The following STX17 variants were observed in gnomAD, a reference collection of about 807,000 sequenced individuals.
STX17 encodes the protein syntaxin 17, also known as syntaxin-17.
In STX17, 29 loss-of-function variants were observed where a neutral mutation model predicts 35.9. The ratio of observed to expected loss-of-function variants is 0.81; its 90% confidence interval spans 0.60 to 1.10. STX17 has a LOEUF of 1.10. Among genes scored for constraint, STX17 ranks in the 50% least tolerant of loss-of-function variants. The pLI is 0.00. For synonymous variants in STX17, 92 were observed against 118.3 expected (o/e 0.78, Z 1.44); for missense variants, 312 against 352.3 (o/e 0.89, Z 0.92).
Position 99,942,302 on chromosome 9 carries a change from T to C in STX17, c.190-8758T>C, listed in dbSNP as rs552286183. 5.9e-5 allele frequency among the ~76,000 whole-genome samples: 9 copies of C among 152,310 alleles called. No homozygotes were observed. The South Asian group carries it at 1.7e-3, about 28-fold the overall frequency. On this transcript the variant is annotated intron_variant, in intron 3 of 7. Coordinates refer to ENST00000259400, the MANE Select transcript of STX17 (RefSeq NM_017919.3). ...TGTGGGTTGTTTGTATTTTTTTATA[T>C]TGATTTGTAAGACTTCTTCATATGT...
intron 2 of STX17, among the ~76,000 whole-genome samples, chr9:99,928,190 CT>C (rs1341126194): frequency 6.6e-6 from 1 of 151,876 alleles, no homozygotes; most frequent in Non-Finnish European, 1.5e-5. Context: ...CCTATGGTTC[CT>C]ATCAAATGAA....
intron 3 of STX17, among the ~76,000 whole-genome samples, chr9:99,935,165 C>A (rs1257832823): frequency 1.3e-5 from 2 of 151,686 alleles, no homozygotes; most frequent in Non-Finnish European, 1.5e-5. Context: ...CCCGTCTCTA[C>A]TAAAAATACA....
At chr9:99,922,380 T>C (rs1161119537) in intron 2 of STX17, among the ~76,000 whole-genome samples, 1 of 152,194 alleles carries the variant, frequency 6.6e-6, no homozygotes, top group Non-Finnish European at 1.5e-5. Context: ...GCAAGGACTT[T>C]GACATTTTCC....
At chr9:99,917,769 C>T (rs563896646) in intron 2 of STX17, among the ~76,000 whole-genome samples, 40 of 152,170 alleles carry the variant, frequency 2.6e-4, no homozygotes, top group African/African-American at 6.3e-4. Flanking sequence ...TTCTTTGTTT[C>T]GTATTGTAGG....
chr9:99,923,868 A>T (rs939367426), intron 2 of STX17, among the ~76,000 whole-genome samples: 2 of 152,160 alleles, frequency 1.3e-5, no homozygotes, highest in Non-Finnish European at 2.9e-5. Flanking sequence ...AGCTGAAGAG[A>T]TGCATAAGGT....
chr9:99,924,906 T>G (rs1030451984), intron 2 of STX17, among the ~76,000 whole-genome samples: 1 of 152,094 alleles, frequency 6.6e-6, no homozygotes, highest in Non-Finnish European at 1.5e-5. Context: ...AAATGTAGGG[T>G]TTTTGTAGAT....
At chr9:99,909,727 G>A (rs1305749275) in intron 1 of STX17, among the ~76,000 whole-genome samples, 1 of 152,104 alleles carries the variant, frequency 6.6e-6, no homozygotes, top group Non-Finnish European at 1.5e-5. Context: ...GCCGAACAGG[G>A]TGACTATAAT....
chr9:99,922,202 ATTAT>A (rs1178421127), intron 2 of STX17, among the ~76,000 whole-genome samples: 1 of 152,096 alleles, frequency 6.6e-6, no homozygotes, highest in African/African-American at 2.4e-5. Context: ...TGCCTTTCAG[ATTAT>A]TTATCTCCTG....
At position 99,972,989 on chromosome 9, in the gene STX17, A is replaced by G. The variant is rs1018840407; in HGVS notation, c.*4316A>G. On this transcript the variant is annotated 3_prime_UTR_variant, in exon 8 of 8. Coordinates refer to ENST00000259400, the MANE Select transcript of STX17 (RefSeq NM_017919.3). Reference sequence around the variant, plus strand: ...GGCAGGGGAGTTTCTCTTCTAGCCTAAATTAATATTAAAAGTTCAGGGGTA... The same window carrying G: ...GGCAGGGGAGTTTCTCTTCTAGCCTGAATTAATATTAAAAGTTCAGGGGTA... Among the ~76,000 whole-genome samples the G allele has an allele frequency of 6.6e-6, 1 of 152,180 alleles. No homozygotes were observed. Among genetic ancestry groups the G allele is most frequent in the African/African-American group, 2.4e-5 (1 of 41,444 alleles).
At chr9:99,915,911 A>G in intron 2 of STX17, 1 of 390,714 alleles carries the variant, frequency 2.6e-6, no homozygotes, top group Non-Finnish European at 5.0e-6. Context: ...TTAATAATTA[A>G]GATACAAATT....
At chr9:99,924,918 C>G (rs1828958906) in intron 2 of STX17, among the ~76,000 whole-genome samples, 1 of 152,068 alleles carries the variant, frequency 6.6e-6, no homozygotes, top group Non-Finnish European at 1.5e-5. Flanking sequence ...TTTGTAGATT[C>G]CTGCTGTCAG....
rs1830017679 is a variant in STX17 at position 99,971,694 on chromosome 9, T to C, written c.*3021T>C. Among the ~76,000 whole-genome samples, 1 of 152,202 alleles carries C rather than the reference T, an allele frequency of 6.6e-6. No individual in the cohort carries two copies. The highest frequency in any genetic ancestry group is 1.5e-5 in the Non-Finnish European group (1 of 68,036). ...TAGGTCTGTTGAGCTACAAAAACTT[T>C]TATGTCTCTCAGACTATACAGCCTC... On this transcript the variant is annotated 3_prime_UTR_variant, in exon 8 of 8. Transcript: ENST00000259400.
intron 2 of STX17, among the ~76,000 whole-genome samples, chr9:99,919,804 G>T (rs918627559): frequency 6.6e-6 from 1 of 152,132 alleles, no homozygotes; most frequent in African/African-American, 2.4e-5. Context: ...TTCTCAAGAA[G>T]TTTGCAGTCC....
At chr9:99,920,036 C>T (rs1197759794) in intron 2 of STX17, among the ~76,000 whole-genome samples, 2 of 152,172 alleles carry the variant, frequency 1.3e-5, no homozygotes, top group African/African-American at 4.8e-5. Flanking sequence ...CTTTTAATCA[C>T]CTTTCCCAAC....
intron 2 of STX17, among the ~76,000 whole-genome samples, chr9:99,922,368 AG>A (rs1828906319): frequency 6.6e-6 from 1 of 152,182 alleles, no homozygotes; most frequent in Non-Finnish European, 1.5e-5. Flanking sequence ...AGACTGAAGG[AG>A]GCAAGGACTT....
At chr9:99,923,882 G>A (rs1393927194) in intron 2 of STX17, among the ~76,000 whole-genome samples, 1 of 152,168 alleles carries the variant, frequency 6.6e-6, no homozygotes, top group Admixed American at 6.5e-5. Flanking sequence ...ATAAGGTGAG[G>A]TATGAGGGAA....
At chr9:99,910,658 A>G (rs1221628103) in intron 1 of STX17, among the ~76,000 whole-genome samples, 2 of 152,212 alleles carry the variant, frequency 1.3e-5, no homozygotes, top group African/African-American at 2.4e-5. Context: ...TATCATGTCA[A>G]ACATTTATTA....
intron 3 of STX17, 71 bp from the exon 4 acceptor site, chr9:99,950,988 TA>T: frequency 7.7e-7 from 1 of 1,305,958 alleles, no homozygotes. Context: ...ACAACTATTA[TA>T]ACATTACTTC....
chr9:99,923,676 C>G (rs766567587), intron 2 of STX17, among the ~76,000 whole-genome samples: 1 of 152,126 alleles, frequency 6.6e-6, no homozygotes, highest in Non-Finnish European at 1.5e-5. Flanking sequence ...GAGTCAAGTC[C>G]CACAAGACCA....
Sources: allele counts gnomAD v4.1 joint callset (sites outside exome capture counted in the v4.1 genomes callset), GRCh38; gene constraint gnomAD v4.1.1; transcripts MANE v1.5; gene names NCBI Gene and HGNC (gene_info 2026-07-23, HGNC 2026-07-21).